The following SPON1 variants were observed in gnomAD, a reference collection of about 807,000 sequenced individuals.
SPON1 encodes the protein spondin 1, also known as spondin-1.
A neutral mutation model predicts 111.7 loss-of-function variants in SPON1; 52 were observed. The ratio of observed to expected loss-of-function variants is 0.47; its 90% CI spans 0.37 to 0.59. The LOEUF is 0.59. Among genes scored for constraint, SPON1 ranks in the 20% least tolerant of loss-of-function variants. SPON1 has a pLI of 0.00. For synonymous variants in SPON1, 410 were observed against 395.8 expected (o/e 1.04, Z -0.43); for missense variants, 957 against 1,068.5 (o/e 0.90, Z 1.46).
intron 1 of SPON1, among the ~76,000 whole-genome samples, chr11:13,982,642 A>G (rs1848153133): frequency 6.6e-6 from 1 of 152,152 alleles, no homozygotes; most frequent in African/African-American, 2.4e-5. Flanking sequence ...AGCAGCTCAG[A>G]TATTTAACAG....
intron 6 of SPON1, among the ~76,000 whole-genome samples, chr11:14,194,510 T>C (rs1848379809): frequency 6.7e-6 from 1 of 149,070 alleles, no homozygotes; most frequent in Non-Finnish European, 1.5e-5. Context: ...AAAGAACTAA[T>C]GGGAATCTAG....
At chr11:14,038,883 A>T (rs1196769784) in intron 2 of SPON1, among the ~76,000 whole-genome samples, 1 of 152,230 alleles carries the variant, frequency 6.6e-6, no homozygotes, top group East Asian at 1.9e-4. Flanking sequence ...ATGTCCACCC[A>T]AAAACCTGCA....
In SPON1 at chr11:14,149,210, G is replaced by A. The variant is rs138748135; in HGVS notation, c.825+13642G>A. On this transcript the variant is annotated intron_variant, in intron 6 of 15. Coordinates refer to ENST00000576479, the MANE Select transcript of SPON1 (RefSeq NM_006108.4). ...GGACCTTCCAGTGGGACAAGGTGTG[G>A]AAGTAGAAGTCAATGATGTTGATGA... Among the ~76,000 whole-genome samples, 367 of 152,264 alleles carry A rather than the reference G, an allele frequency of 2.4e-3. 1 individual carries two copies. The highest frequency in any genetic ancestry group is 8.0e-3 in the African/African-American group (334 of 41,546).
intron 6 of SPON1, among the ~76,000 whole-genome samples, chr11:14,139,178 G>A (rs1301059724): frequency 1.3e-5 from 2 of 152,028 alleles, no homozygotes; most frequent in African/African-American, 4.8e-5. Context: ...TCTAAGTTTT[G>A]GGCATACAGA....
In SPON1 at chr11:14,104,560, C is replaced by T. The variant is rs150494563; in HGVS notation, c.676+24539C>T. Among the ~76,000 whole-genome samples, 88 of 152,112 alleles carry T rather than the reference C, an allele frequency of 5.8e-4. No individual in the cohort carries two copies. In the East Asian group the frequency reaches 0.015, roughly 26 times the overall value. On this transcript the variant is annotated intron_variant, in intron 5 of 15. Transcript: ENST00000576479. ...TTCTTCCCTACTCTGTTACTGCTTC[C>T]ATTTTTCATTGAATTAACTTGTTGC...
chr11:14,092,315 TA>T (rs1554923494), intron 5 of SPON1, among the ~76,000 whole-genome samples: 1 of 152,228 alleles, frequency 6.6e-6, no homozygotes, highest in East Asian at 1.9e-4. Flanking sequence ...AGCATTATTA[TA>T]AAAATAGTTT....
Position 14,161,245 on chromosome 11 carries a change from C to A in SPON1, c.825+25677C>A, listed in dbSNP as rs1409428762. 4.0e-3 allele frequency among the ~76,000 whole-genome samples: 154 copies of A among 38,976 alleles called. 1 individual carries two copies. Among genetic ancestry groups the A allele is most frequent in the Middle Eastern group, 0.015 (1 of 68 alleles). 25.6% of individuals were successfully genotyped at this position (38,976 alleles called of 152,430 possible). ...TATATATATTTATATATTTATATAT[C>A]TATATATTTATATATTTATATATCT... is the stretch of plus-strand genomic sequence containing the variant. On this transcript the variant is annotated intron_variant, in intron 6 of 15. Transcript: ENST00000576479.
intron 3 of SPON1, among the ~76,000 whole-genome samples, chr11:14,062,863 T>G (rs1007206047): frequency 6.6e-6 from 1 of 152,130 alleles, no homozygotes; most frequent in Non-Finnish European, 1.5e-5. Context: ...ACAAAGACCC[T>G]GGAAAAAGTT....
rs1848079714 is a variant in SPON1 at position 13,973,533 on chromosome 11, T to TG, written c.239-9310dup. Among the ~76,000 whole-genome samples the TG allele has an allele frequency of 3.3e-5, 5 of 152,310 alleles. 1 individual carries two copies. The East Asian group carries it at 9.6e-4, about 29-fold the overall frequency. On this transcript the variant is annotated intron_variant, in intron 1 of 15. Transcript: ENST00000576479. The stretch of plus-strand genomic sequence containing the variant: ...GCTGTTCCACGACGAGGTCACACAA[T>TG]GGGGAAAGGATTAACTTTTATTGAG...
chr11:14,058,709 T>C (rs1848766708), intron 3 of SPON1, among the ~76,000 whole-genome samples: 1 of 152,216 alleles, frequency 6.6e-6, no homozygotes, highest in Admixed American at 6.5e-5. Flanking sequence ...CATCCCTTCT[T>C]TGAGCATTCA....
intron 3 of SPON1, among the ~76,000 whole-genome samples, chr11:14,053,664 A>C (rs1428369315): frequency 1.3e-5 from 2 of 152,222 alleles, no homozygotes. Context: ...ACCAGGAGAT[A>C]ATTGGCATGT....
chr11:14,238,219 T>C (rs998925508), intron 6 of SPON1, among the ~76,000 whole-genome samples: 3 of 152,152 alleles, frequency 2.0e-5, no homozygotes, highest in Non-Finnish European at 2.9e-5. Context: ...TGATCATGGA[T>C]TGCATCCCAT....
chr11:14,171,944 G>A (rs1848106706), intron 6 of SPON1, among the ~76,000 whole-genome samples: 1 of 152,178 alleles, frequency 6.6e-6, no homozygotes, highest in Non-Finnish European at 1.5e-5. Context: ...AGTGTGGTGT[G>A]GTGCTGAAAA....
intron 6 of SPON1, among the ~76,000 whole-genome samples, chr11:14,203,495 A>G (rs1051355392): frequency 4.6e-5 from 7 of 152,244 alleles, no homozygotes; most frequent in African/African-American, 1.2e-4. Context: ...TTAAGAGACG[A>G]TTATCGTACA....
At chr11:14,253,091 G>GGTGC (rs1849069126) in intron 7 of SPON1, among the ~76,000 whole-genome samples, 1 of 152,214 alleles carries the variant, frequency 6.6e-6, no homozygotes, top group East Asian at 1.9e-4. Flanking sequence ...GGTAGTGTGG[G>GGTGC]ATAAGGGAGG....
At chr11:14,184,911 C>T (rs537847940) in intron 6 of SPON1, among the ~76,000 whole-genome samples, 1 of 152,262 alleles carries the variant, frequency 6.6e-6, no homozygotes, top group South Asian at 2.1e-4. Flanking sequence ...ATCCTTGAGC[C>T]CTCAGATTCC....
intron 15 of SPON1, among the ~76,000 whole-genome samples, chr11:14,264,604 A>G (rs1323827077): frequency 6.6e-6 from 1 of 152,230 alleles, no homozygotes; most frequent in African/African-American, 2.4e-5. Context: ...TCTGTTCTAC[A>G]TGGTAGTCAG....
intron 6 of SPON1, among the ~76,000 whole-genome samples, chr11:14,168,575 C>G (rs1848060124): frequency 6.6e-6 from 1 of 151,972 alleles, no homozygotes; most frequent in Admixed American, 6.6e-5. Context: ...CCTATGTATA[C>G]ATGAGCCATG....
intron 6 of SPON1, among the ~76,000 whole-genome samples, chr11:14,137,104 T>C (rs1847601621): frequency 6.6e-6 from 1 of 152,320 alleles, no homozygotes; most frequent in Admixed American, 6.5e-5. Context: ...TTCATAATAA[T>C]GTCAGTCTCA....
Sources: allele counts gnomAD v4.1 joint callset (sites outside exome capture counted in the v4.1 genomes callset), GRCh38; gene constraint gnomAD v4.1.1; transcripts MANE v1.5; gene names NCBI Gene and HGNC (gene_info 2026-07-23, HGNC 2026-07-21).